The following LIPJ variants were observed in gnomAD, a reference collection of about 807,000 sequenced individuals.
LIPJ encodes the protein lipase family member J, also known as lipase member J.
Under a neutral mutation model 39.8 loss-of-function variants are expected in LIPJ, and 33 were observed. That is an observed-to-expected ratio of 0.83 (90% CI 0.63 to 1.11). LIPJ has a LOEUF of 1.11. Among genes scored for constraint, LIPJ ranks in the 50% least tolerant of loss-of-function variants. LIPJ has a pLI of 0.00. For missense variants in LIPJ, 422 were observed against 427.9 expected (o/e 0.99, Z 0.12); for synonymous variants, 128 against 139.2 (o/e 0.92, Z 0.57).
chr10:88,600,701 A>G (rs1851443537), intron 8 of LIPJ, among the ~76,000 whole-genome samples: 1 of 152,182 alleles, frequency 6.6e-6, no homozygotes, highest in African/African-American at 2.4e-5. Flanking sequence ...TATGCTGCAC[A>G]TTCTCTTGGT....
chr10:88,619,682 A>T, the LIPJ span, among the ~76,000 whole-genome samples: 1 of 152,046 alleles, frequency 6.6e-6, no homozygotes, highest in Non-Finnish European at 1.5e-5. Flanking sequence ...AAGAGTATAT[A>T]TGTAATATCA....
At chr10:88,595,286 A>G (rs1033344693) in intron 6 of LIPJ, among the ~76,000 whole-genome samples, 1 of 151,748 alleles carries the variant, frequency 6.6e-6, no homozygotes, top group African/African-American at 2.4e-5. Context: ...AATACATAAC[A>G]ACTTTACTTT....
At chr10:88,606,781 T>G in exon 11 of LIPJ, 1 of 1,613,376 alleles carries the variant, frequency 6.2e-7, no homozygotes, top group Non-Finnish European at 8.5e-7. Flanking sequence ...TTTTACATTC[T>G]GAAATCACAA....
At chr10:88,601,357 C>G (rs2134573841) in intron 8 of LIPJ, among the ~76,000 whole-genome samples, 1 of 152,294 alleles carries the variant, frequency 6.6e-6, no homozygotes, top group South Asian at 2.1e-4. Flanking sequence ...GGCAGTTACC[C>G]TTTCAAGAGT....
At chr10:88,612,969 T>G in the LIPJ span, among the ~76,000 whole-genome samples, 1 of 152,204 alleles carries the variant, frequency 6.6e-6, no homozygotes. Flanking sequence ...TTCTTCAAGA[T>G]AGACCATATG....
the LIPJ span, among the ~76,000 whole-genome samples, chr10:88,620,456 G>A: frequency 2.6e-5 from 4 of 152,018 alleles, no homozygotes; most frequent in Non-Finnish European, 4.4e-5. Flanking sequence ...ACTTTTCTGT[G>A]GCTCAAAATT....
chr10:88,615,727 A>T, the LIPJ span, among the ~76,000 whole-genome samples: 1 of 152,146 alleles, frequency 6.6e-6, no homozygotes, highest in Non-Finnish European at 1.5e-5. Context: ...TGGTCAACAT[A>T]CAGAAAAACA....
At chr10:88,585,169 G>A (rs1050927725), upstream of LIPJ, among the ~76,000 whole-genome samples, 5 of 152,118 alleles carry the variant, frequency 3.3e-5, no homozygotes, top group African/African-American at 1.2e-4. Context: ...TTTTATACAC[G>A]TTAATACAGA....
At chr10:88,585,728 C>CCAT (rs1850889945), upstream of LIPJ, 1 of 152,076 alleles carries the variant, frequency 6.6e-6, no homozygotes, top group African/African-American at 2.4e-5. Context: ...TATCATCACA[C>CCAT]CAGTTCAGGC....
At chr10:88,602,342 A>G (rs2901950) in intron 8 of LIPJ, among the ~76,000 whole-genome samples, 123,392 of 151,876 alleles carry the variant, frequency 0.81, 50,886 homozygotes, top group East Asian at 0.99. Context: ...TTTCCAGTAG[A>G]GTGAGTGGCA....
intron 10 of LIPJ, among the ~76,000 whole-genome samples, chr10:88,606,456 T>C (rs535850407): frequency 1.3e-5 from 2 of 152,318 alleles, no homozygotes; most frequent in Admixed American, 6.5e-5. Context: ...TAGAACAAAC[T>C]GTCTAGTTTA....
At chr10:88,622,481 CAG>C in the LIPJ span, among the ~76,000 whole-genome samples, 1 of 152,172 alleles carries the variant, frequency 6.6e-6, no homozygotes, top group Non-Finnish European at 1.5e-5. Flanking sequence ...GCTTGATAAA[CAG>C]AGATTTCCAG....
intron 6 of LIPJ, among the ~76,000 whole-genome samples, chr10:88,595,031 A>G (rs1564933274): frequency 6.6e-6 from 1 of 151,782 alleles, no homozygotes; most frequent in Admixed American, 6.6e-5. Flanking sequence ...TAAAAGTTGG[A>G]TATCTATGTT....
chr10:88,620,781 G>A, the LIPJ span, among the ~76,000 whole-genome samples: 5 of 152,036 alleles, frequency 3.3e-5, no homozygotes, highest in Admixed American at 6.5e-5. Context: ...TATCTTAGTC[G>A]GCTCAGGCTG....
At chr10:88,586,099 A>C (rs1244347256), upstream of LIPJ, among the ~76,000 whole-genome samples, 1 of 152,132 alleles carries the variant, frequency 6.6e-6, no homozygotes, top group Non-Finnish European at 1.5e-5. Context: ...TGCAGTTGTG[A>C]ATCCGCATTT....
chr10:88,612,571 T>A, the LIPJ span, among the ~76,000 whole-genome samples: 1 of 151,906 alleles, frequency 6.6e-6, no homozygotes, highest in Non-Finnish European at 1.5e-5. Context: ...CACCAAAAGC[T>A]AGCAGGAGTA....
intron 6 of LIPJ, 56 bp downstream of exon 6, chr10:88,594,832 A>C (rs11202781): frequency 1.3e-5 from 11 of 833,984 alleles, no homozygotes; most frequent in Middle Eastern, 2.3e-4. Flanking sequence ...AAGGTTGTGC[A>C]TATACTTCTT....
At chr10:88,611,710 A>G (rs1019080369), downstream of LIPJ, among the ~76,000 whole-genome samples, 1 of 152,184 alleles carries the variant, frequency 6.6e-6, no homozygotes, top group Non-Finnish European at 1.5e-5. Flanking sequence ...CCATCCATAC[A>G]AGACAAAGAA....
chr10:88,594,135 G>T, exon 5 of LIPJ: 2 of 1,607,476 alleles, frequency 1.2e-6, no homozygotes, highest in East Asian at 4.5e-5. Context: ...AAAGAATTCT[G>T]GGCTTTCAGG....
Sources: gnomAD v4.1 joint callset for allele counts (sites outside exome capture counted in the v4.1 genomes callset) on GRCh38, gnomAD v4.1.1 for gene constraint, MANE v1.5 for transcripts, NCBI Gene and HGNC (gene_info 2026-07-23, HGNC 2026-07-21) for gene names.